The following JAM2 variants were observed in gnomAD, a reference collection of about 807,000 sequenced individuals.
JAM2 encodes junctional adhesion molecule 2.
In JAM2, 17 loss-of-function variants were observed where a neutral mutation model predicts 42.0. The ratio of observed to expected loss-of-function variants is 0.40; its 90% CI spans 0.28 to 0.61. The LOEUF is 0.61. Among genes scored for constraint, JAM2 ranks in the 20% least tolerant of loss-of-function variants. The pLI is 0.37. For missense variants in JAM2, 319 were observed against 358.3 expected (o/e 0.89, Z 0.89); for synonymous variants, 118 against 128.6 (o/e 0.92, Z 0.56).
intron 3 of JAM2, among the ~76,000 whole-genome samples, chr21:25,690,515 TA>T (rs1469608829): frequency 6.6e-6 from 1 of 152,054 alleles, no homozygotes. Context: ...TTTATTTATT[TA>T]TTTTTTTGTA....
chr21:25,698,993 A>T lies in JAM2; in HGVS notation c.597+114A>T. ...TGATACCATTGCTTGCTAAGTGGAG[A>T]GAGGCAGGGGCACCAGGAAAGATGG... On this transcript the variant is annotated intron_variant, in intron 5 of 9. Transcript: ENST00000480456. The T allele has an allele frequency of 4.5e-6, 4 of 891,312 alleles. No individual in the cohort carries two copies. The South Asian group carries it at 6.4e-5, about 14-fold the overall frequency. 55.2% of individuals were successfully genotyped at this position (891,312 alleles called of 1,614,324 possible).
At position 25,711,377 on chromosome 21, in the gene JAM2, C is replaced by A. The variant is rs11911847; in HGVS notation, c.822-963C>A. ...TTCTTGTATGTACAGATCTGGCAGACCTAACTTTGGCTCTATGGGCGTAGA... is the reference window on the plus strand; with the variant it reads ...TTCTTGTATGTACAGATCTGGCAGAACTAACTTTGGCTCTATGGGCGTAGA... On this transcript the variant is annotated intron_variant, in intron 8 of 9. Coordinates refer to ENST00000480456, the MANE Select transcript of JAM2 (RefSeq NM_021219.4). The A allele has an allele frequency of 2.4e-3, 1,085 of 455,696 alleles. 11 individuals carry two copies. The highest frequency in any genetic ancestry group is 0.019 in the African/African-American group (942 of 50,132). The allele number at this position is 455,696 out of a possible 1,614,324, so 28.2% of individuals were successfully genotyped here. A position where few individuals can be genotyped will look rare whatever the true frequency, so the allele number is the denominator to read the frequency against.
At chr21:25,696,585 G>A (rs2051180) in intron 4 of JAM2, among the ~76,000 whole-genome samples, 20,359 of 152,148 alleles carry the variant, frequency 0.13, 1,740 homozygotes, top group East Asian at 0.3. Context: ...TCTGTAGAGC[G>A]GAAGTCCAAC....
chr21:25,690,850 G>A (rs921924407), intron 3 of JAM2, among the ~76,000 whole-genome samples: 7 of 151,406 alleles, frequency 4.6e-5, no homozygotes, highest in Non-Finnish European at 8.8e-5. Context: ...TTTTTCTTTT[G>A]TTATACATTT....
chr21:25,671,151 G>A (rs1395709787), intron 1 of JAM2, among the ~76,000 whole-genome samples: 1 of 152,142 alleles, frequency 6.6e-6, no homozygotes, highest in Non-Finnish European at 1.5e-5. Context: ...GTATTTTAAA[G>A]GCTGAATATC....
intron 1 of JAM2, among the ~76,000 whole-genome samples, chr21:25,681,826 C>CA (rs2033638690): frequency 6.6e-6 from 1 of 152,068 alleles, no homozygotes; most frequent in South Asian, 2.1e-4. Flanking sequence ...ACTAAAAATA[C>CA]AAAAAATTAG....
intron 1 of JAM2, among the ~76,000 whole-genome samples, chr21:25,651,142 G>GA (rs2032771079): frequency 6.7e-6 from 1 of 149,170 alleles, no homozygotes; most frequent in Non-Finnish European, 1.5e-5. Context: ...TGTCTGCATG[G>GA]AAAAAATAAA....
chr21:25,709,364 C>A, intron 7 of JAM2, 70 bp from the exon 8 acceptor site: 2 of 798,720 alleles, frequency 2.5e-6, no homozygotes, highest in Non-Finnish European at 2.0e-6. Context: ...AACCCAAACT[C>A]ATTTTTATAT....
chr21:25,654,540 T>G (rs2032872887), intron 1 of JAM2, among the ~76,000 whole-genome samples: 1 of 149,874 alleles, frequency 6.7e-6, no homozygotes, highest in Admixed American at 6.7e-5. Context: ...CTCAACTACT[T>G]GGGAGGCTGA....
In JAM2 at chr21:25,643,900, C is replaced by CAG. The variant is rs1600983941; in HGVS notation, c.67+4012_67+4013insAG. 2.6e-5 allele frequency: 4 copies of CAG among 152,252 alleles called. No individual in the cohort carries two copies. In the East Asian group the frequency reaches 7.7e-4, roughly 29 times the overall value. The allele number at this position is 152,252 out of a possible 1,614,324, so 9.4% of individuals were successfully genotyped here. A position where few individuals can be genotyped will look rare whatever the true frequency, so the allele number is the denominator to read the frequency against. On this transcript the variant is annotated intron_variant, in intron 1 of 9. Coordinates refer to ENST00000480456, the MANE Select transcript of JAM2 (RefSeq NM_021219.4). ...ATTGCATTGGTTTCCTCCTGTGGGC[C>CAG]TTCCTCATAGAGAAGATGTATTGGA...
intron 7 of JAM2, among the ~76,000 whole-genome samples, chr21:25,708,588 G>A (rs183298892): frequency 2.5e-4 from 38 of 152,084 alleles, no homozygotes; most frequent in Admixed American, 2.2e-3. Flanking sequence ...CAAAAAGAGC[G>A]GCTCTGTCAA....
chr21:25,678,037 C>T (rs931347271), intron 1 of JAM2, among the ~76,000 whole-genome samples: 1 of 152,024 alleles, frequency 6.6e-6, no homozygotes, highest in Non-Finnish European at 1.5e-5. Flanking sequence ...AGTTTGAGAA[C>T]AGCCATGGTG....
In JAM2 at chr21:25,714,780, G is replaced by A; in HGVS notation, c.*108G>A. ...TTGCAAAGAGGTACACGAGGAAATG[G>A]AATTGGTATTTCATTTTAATTTTCA... On this transcript the variant is annotated 3_prime_UTR_variant, in exon 10 of 10. Coordinates refer to ENST00000480456, the MANE Select transcript of JAM2 (RefSeq NM_021219.4). 2.9e-6 allele frequency: 2 copies of A among 687,144 alleles called. No individual in the cohort carries two copies. Among genetic ancestry groups the A allele is most frequent in the Non-Finnish European group, 4.7e-6 (2 of 425,858 alleles). The allele number at this position is 687,144 out of a possible 1,614,324, so 42.6% of individuals were successfully genotyped here.
rs562552038 is a variant in JAM2, at chr21:25,706,948, C to T, written c.805+862C>T. 1.1e-3 allele frequency among the ~76,000 whole-genome samples: 166 copies of T among 152,008 alleles called. 8 individuals are homozygous for T. In the South Asian group the frequency reaches 0.032, roughly 29 times the overall value. ...AGAGACGGGGTTTCATCGTGTTAGC[C>T]GGGATGGTCTCAATCTCCTGACCTC... On this transcript the variant is annotated intron_variant, in intron 7 of 9. Coordinates refer to ENST00000480456, the MANE Select transcript of JAM2 (RefSeq NM_021219.4).
intron 2 of JAM2, among the ~76,000 whole-genome samples, chr21:25,688,884 G>T (rs1444625514): frequency 1.3e-5 from 2 of 152,016 alleles, no homozygotes; most frequent in Non-Finnish European, 2.9e-5. Context: ...ATGCCTTGTG[G>T]GGAAAAAAGT....
intron 4 of JAM2, 22 bp downstream of exon 4, chr21:25,693,930 G>A (rs375760498): frequency 1.2e-6 from 2 of 1,609,546 alleles, no homozygotes; most frequent in African/African-American, 1.3e-5. Context: ...GTATGTGTGT[G>A]ACTACGTCTC....
chr21:25,703,193 A>G (rs927481027), intron 6 of JAM2, among the ~76,000 whole-genome samples: 1 of 152,096 alleles, frequency 6.6e-6, no homozygotes, highest in African/African-American at 2.4e-5. Flanking sequence ...TACCAGCACT[A>G]TTTCTGTTTA....
At chr21:25,643,852 G>T (rs772300354) in intron 1 of JAM2, 13 of 152,166 alleles carry the variant, frequency 8.5e-5, no homozygotes, top group African/African-American at 2.9e-4. Context: ...GGAGCTTACG[G>T]ATGTTCACCA....
intron 9 of JAM2, 67 bp from the exon 10 acceptor site, chr21:25,714,573 C>A (rs2034445707): frequency 5.2e-6 from 5 of 965,724 alleles, no homozygotes; most frequent in South Asian, 3.0e-5. Flanking sequence ...GCTTGATATT[C>A]ATAAGATTTA....
Sources: allele counts gnomAD v4.1 joint callset (sites outside exome capture counted in the v4.1 genomes callset), GRCh38; gene constraint gnomAD v4.1.1; transcripts MANE v1.5; gene names NCBI Gene and HGNC (gene_info 2026-07-23, HGNC 2026-07-21).